The following RNLS variants were observed in gnomAD, a reference collection of about 807,000 sequenced individuals.
RNLS encodes the protein renalase.
In RNLS, 39 loss-of-function variants were observed where a neutral mutation model predicts 39.8. The ratio of observed to expected loss-of-function variants is 0.98; its 90% confidence interval spans 0.76 to 1.28. The LOEUF is 1.28. Ranked by LOEUF, RNLS falls within the 50% of genes most tolerant of loss-of-function variation. The pLI, the probability that RNLS is intolerant of heterozygous loss-of-function variation, is 0.00. For missense variants in RNLS, 410 were observed against 413.3 expected, an observed-to-expected ratio of 0.99 and a Z score of 0.07; for synonymous variants, 147 against 150.7, an observed-to-expected ratio of 0.98 and a Z score of 0.18.
intron 4 of RNLS, among the ~76,000 whole-genome samples, chr10:88,371,453 A>G (rs765672658): frequency 3.9e-5 from 6 of 152,196 alleles, no homozygotes; most frequent in Non-Finnish European, 8.8e-5. Context: ...TAAAAACAAA[A>G]CAAAACAAAA....
chr10:88,324,824 T>C (rs556251906), intron 5 of RNLS, among the ~76,000 whole-genome samples: 1 of 152,334 alleles, frequency 6.6e-6, no homozygotes, highest in Non-Finnish European at 1.5e-5. Context: ...TCCCCAGCCC[T>C]GGCAACTACC....
At chr10:88,332,476 G>A (rs1847188426) in intron 5 of RNLS, among the ~76,000 whole-genome samples, 1 of 152,198 alleles carries the variant, frequency 6.6e-6, no homozygotes, top group African/African-American at 2.4e-5. Context: ...TATGTCCCTG[G>A]AGGTAGGGGG....
At chr10:88,352,691 G>A (rs1042984978) in intron 5 of RNLS, among the ~76,000 whole-genome samples, 1 of 152,204 alleles carries the variant, frequency 6.6e-6, no homozygotes, top group Non-Finnish European at 1.5e-5. Context: ...CCAGGCTTTG[G>A]TATCAGCATG....
At chr10:88,392,416 G>A (rs1170400526) in intron 4 of RNLS, among the ~76,000 whole-genome samples, 1 of 152,198 alleles carries the variant, frequency 6.6e-6, no homozygotes, top group Admixed American at 6.5e-5. Context: ...ATGGAGGCAG[G>A]AAGTGAAAGT....
intron 5 of RNLS, among the ~76,000 whole-genome samples, chr10:88,340,376 A>G (rs776530025): frequency 6.6e-6 from 1 of 152,244 alleles, no homozygotes; most frequent in Non-Finnish European, 1.5e-5. Flanking sequence ...GATCTCTCCT[A>G]TGAAATACTT....
At chr10:88,476,543 T>C (rs775396467) in intron 4 of RNLS, among the ~76,000 whole-genome samples, 68 of 152,088 alleles carry the variant, frequency 4.5e-4, no homozygotes, top group Admixed American at 1.1e-3. Context: ...AGTAGAATAA[T>C]GGGTACATGA....
intron 6 of RNLS, among the ~76,000 whole-genome samples, chr10:88,276,449 G>T (rs931176049): frequency 3.3e-5 from 5 of 151,928 alleles, no homozygotes; most frequent in Non-Finnish European, 5.9e-5. Flanking sequence ...TAATCCATCT[G>T]GAAATTATAG....
At chr10:88,220,016 C>T in the RNLS span, among the ~76,000 whole-genome samples, 2 of 152,148 alleles carry the variant, frequency 1.3e-5, no homozygotes, top group African/African-American at 4.8e-5. Flanking sequence ...CCCTGCTACT[C>T]CCTTCCCACT....
chr10:88,471,932 C>T lies in RNLS; in HGVS notation c.526+100971G>A, dbSNP rs113456132. On this transcript the variant is annotated intron_variant, in intron 4 of 6. Coordinates refer to ENST00000331772, the MANE Select transcript of RNLS (RefSeq NM_001031709.3). ...CTGACCTCAGCTACTGAGATTCCAG[C>T]CTCCCCCTACCTAAAAGAAAAAAAA... Among the ~76,000 whole-genome samples the T allele has an allele frequency of 3.0e-3, 454 of 152,162 alleles. 2 individuals are homozygous for T. The highest frequency in any genetic ancestry group is 0.01 in the African/African-American group (423 of 41,534).
In RNLS at chr10:88,379,140, A is replaced by C. The variant is rs917141228; in HGVS notation, c.527-16415T>G. 4.6e-5 allele frequency among the ~76,000 whole-genome samples: 7 copies of C among 152,210 alleles called. No homozygotes were observed. The East Asian group carries it at 7.7e-4, about 17-fold the overall frequency. ...GAGGTCATAGGAATTTTTCAGCTCC[A>C]TTACAATCTTATAGGACCACTAGTG... On this transcript the variant is annotated intron_variant, in intron 4 of 6. Coordinates refer to ENST00000331772, the MANE Select transcript of RNLS (RefSeq NM_001031709.3).
At chr10:88,526,813 G>T (rs1847126242) in intron 4 of RNLS, among the ~76,000 whole-genome samples, 1 of 151,630 alleles carries the variant, frequency 6.6e-6, no homozygotes, top group Admixed American at 6.6e-5. Flanking sequence ...AAAGATAACT[G>T]CCCTTCACTA....
the RNLS span, among the ~76,000 whole-genome samples, chr10:88,236,430 T>G: frequency 6.6e-6 from 1 of 152,206 alleles, no homozygotes; most frequent in African/African-American, 2.4e-5. Flanking sequence ...TCTTTTTAGC[T>G]AATCCTCTAG....
chr10:88,182,206 C>T, the RNLS span, among the ~76,000 whole-genome samples: 3 of 152,050 alleles, frequency 2.0e-5, no homozygotes, highest in Non-Finnish European at 2.9e-5. Flanking sequence ...CACATCAGAA[C>T]TCAAAAGTGT....
chr10:88,300,827 T>A (rs2132951757), intron 6 of RNLS, among the ~76,000 whole-genome samples: 2 of 152,316 alleles, frequency 1.3e-5, no homozygotes, highest in Middle Eastern at 6.8e-3. Context: ...ACTACTAAAC[T>A]TTTTTTGTTT....
chr10:88,461,331 C>G (rs549975901), intron 4 of RNLS, among the ~76,000 whole-genome samples: 1 of 152,190 alleles, frequency 6.6e-6, no homozygotes, highest in Admixed American at 6.6e-5. Flanking sequence ...GCTAACCATT[C>G]AAAGTCAAGT....
At chr10:88,550,631 A>T (rs1848563093) in intron 4 of RNLS, among the ~76,000 whole-genome samples, 1 of 152,206 alleles carries the variant, frequency 6.6e-6, no homozygotes, top group Admixed American at 6.5e-5. Flanking sequence ...TGTATTCAGC[A>T]AAGGTGTAAA....
intron 6 of RNLS, among the ~76,000 whole-genome samples, chr10:88,287,723 AAG>A (rs967961564): frequency 2.0e-5 from 3 of 152,108 alleles, no homozygotes; most frequent in Admixed American, 2.0e-4. Flanking sequence ...GGCAGCAGGC[AAG>A]AGAGAGAGAG....
intron 4 of RNLS, among the ~76,000 whole-genome samples, chr10:88,541,048 G>A (rs945103158): frequency 1.3e-5 from 2 of 151,410 alleles, no homozygotes; most frequent in Non-Finnish European, 2.9e-5. Flanking sequence ...CTAAAATATG[G>A]TTTATGTAAA....
the RNLS span, among the ~76,000 whole-genome samples, chr10:88,188,325 A>G: frequency 0.75 from 113,445 of 152,166 alleles, 42,352 homozygotes; most frequent in South Asian, 0.8. Flanking sequence ...CCAAAGTGCT[A>G]GGATTACAGG....
Sources: allele counts gnomAD v4.1 joint callset (sites outside exome capture counted in the v4.1 genomes callset), GRCh38; gene constraint gnomAD v4.1.1; transcripts MANE v1.5; gene names NCBI Gene and HGNC (gene_info 2026-07-23, HGNC 2026-07-21).